The following SGMS1 variants were observed in gnomAD, a reference collection of about 807,000 sequenced individuals.
SGMS1 encodes the protein sphingomyelin synthase 1, also known as phosphatidylcholine:ceramide cholinephosphotransferase 1.
In SGMS1, 13 loss-of-function variants were observed where a neutral mutation model predicts 46.2. The ratio of observed to expected loss-of-function variants is 0.28; its 90% CI spans 0.18 to 0.45. The LOEUF (loss-of-function observed/expected upper bound fraction) is 0.45, where lower values mean the gene tolerates loss of function less well. Among genes scored for constraint, SGMS1 ranks in the 20% least tolerant of loss-of-function variants. The pLI, the probability that SGMS1 is intolerant of heterozygous loss-of-function variation, is 1.00. For synonymous variants in SGMS1, 203 were observed against 187.8 expected (o/e 1.08, Z -0.66); for missense variants, 324 against 519.9 (o/e 0.62, Z 3.66).
At chr10:50,612,775 C>T (rs1838762467) in intron 1 of SGMS1, among the ~76,000 whole-genome samples, 3 of 152,130 alleles carry the variant, frequency 2.0e-5, no homozygotes, top group Admixed American at 6.5e-5. Context: ...GTGGCGTGAT[C>T]GCGGCTCACT....
intron 4 of SGMS1, among the ~76,000 whole-genome samples, chr10:50,465,081 G>C (rs1351302503): frequency 1.3e-5 from 2 of 152,078 alleles, no homozygotes; most frequent in Non-Finnish European, 1.5e-5. Flanking sequence ...AATCCTCATA[G>C]GTAGGCTTAC....
rs1554792514 is a variant in SGMS1 at position 50,562,355 on chromosome 10, T to TGCGC, written c.-589+27794_-589+27797dup. ...CTCTCTGAGTGTGTGTGTGTGTGTG[T>TGCGC]GCGCGCGCGCACACACACACACTCA... On this transcript the variant is annotated intron_variant, in intron 2 of 10. Transcript: ENST00000361781. 4.0e-4 allele frequency among the ~76,000 whole-genome samples: 53 copies of TGCGC among 133,464 alleles called. 1 individual carries two copies. The highest frequency in any genetic ancestry group is 6.6e-4 in the East Asian group (3 of 4,564). 87.6% of individuals were successfully genotyped at this position (133,464 alleles called of 152,430 possible).
chr10:50,608,708 C>T (rs985351677), intron 1 of SGMS1, among the ~76,000 whole-genome samples: 5 of 152,160 alleles, frequency 3.3e-5, no homozygotes, highest in Non-Finnish European at 5.9e-5. Context: ...GAGAAACACA[C>T]CTGATATGAC....
In SGMS1 at chr10:50,554,205, GA is replaced by G. The variant is rs369547158; in HGVS notation, c.-588-34285del. ...ACTTTAAGAGCCTTCTATTAAAACT[GA>G]AACATCCCTAGAAAAAGTAGTATTT... is the stretch of plus-strand genomic sequence containing the variant. On this transcript the variant is annotated intron_variant, in intron 2 of 10. Transcript: ENST00000361781. Among the ~76,000 whole-genome samples, 509 of 152,218 alleles carry G rather than the reference GA, an allele frequency of 3.3e-3. 3 individuals are homozygous for G. The highest frequency in any genetic ancestry group is 0.012 in the African/African-American group (484 of 41,536).
intron 2 of SGMS1, among the ~76,000 whole-genome samples, chr10:50,542,073 A>G (rs1216360276): frequency 4.6e-5 from 7 of 152,162 alleles, no homozygotes; most frequent in Middle Eastern, 3.2e-3. Context: ...CACCAAAGCC[A>G]CCACCACTAG....
intron 5 of SGMS1, among the ~76,000 whole-genome samples, chr10:50,442,359 T>C (rs1203396): frequency 0.56 from 84,797 of 151,310 alleles, 24,078 homozygotes; most frequent in Non-Finnish European, 0.59. Flanking sequence ...CTCTGACAGG[T>C]CCCAGTGTGT....
chr10:50,307,402 A>G lies in SGMS1; in HGVS notation c.1063-81T>C. On this transcript the variant is annotated intron_variant, in intron 10 of 10. Coordinates refer to ENST00000361781, the MANE Select transcript of SGMS1 (RefSeq NM_147156.4). This position sits in a 1 kb window ranked among gnomAD's most constrained non-coding sequence, Gnocchi z 4.2. ...AATACTTGCCACGCTAAAATTCCCAAAGGACTCCATACCTGCCCTGCGTGT... is the reference window on the plus strand; with the variant it reads ...AATACTTGCCACGCTAAAATTCCCAGAGGACTCCATACCTGCCCTGCGTGT... The G allele has an allele frequency of 3.8e-6, 5 of 1,325,942 alleles. No individual in the cohort carries two copies. The highest frequency in any genetic ancestry group is 5.2e-6 in the Non-Finnish European group (5 of 953,772). 82.1% of individuals were successfully genotyped at this position (1,325,942 alleles called of 1,614,324 possible). A position where few individuals can be genotyped will look rare whatever the true frequency, so the allele number is the denominator to read the frequency against.
intron 6 of SGMS1, among the ~76,000 whole-genome samples, chr10:50,349,042 C>A (rs1204285842): frequency 2.6e-5 from 4 of 152,188 alleles, no homozygotes; most frequent in Non-Finnish European, 5.9e-5. Context: ...CATCAAGTAT[C>A]CATCTGGCAT....
intron 5 of SGMS1, among the ~76,000 whole-genome samples, chr10:50,438,851 A>G (rs1253743997): frequency 2.0e-5 from 3 of 152,168 alleles, no homozygotes; most frequent in Non-Finnish European, 4.4e-5. Context: ...TATTCTTGTC[A>G]TTTGGAGGAT....
intron 8 of SGMS1, among the ~76,000 whole-genome samples, chr10:50,316,072 G>A (rs73330909): frequency 0.032 from 4,818 of 152,280 alleles, 80 homozygotes; most frequent in South Asian, 0.067. Flanking sequence ...ACTGATGACA[G>A]TCAGTTTGCC....
chr10:50,623,476 A>C, intron 1 of SGMS1: 1 of 696,504 alleles, frequency 1.4e-6, no homozygotes, highest in Non-Finnish European at 1.8e-6. Flanking sequence ...GCCCCCTCCG[A>C]GCCCGGATCC....
chr10:50,571,585 T>C (rs1009434323), intron 2 of SGMS1, among the ~76,000 whole-genome samples: 1 of 152,124 alleles, frequency 6.6e-6, no homozygotes, highest in African/African-American at 2.4e-5. Context: ...TAATATATAA[T>C]AGAATGATAA....
At chr10:50,625,055 T>A (rs749698945), upstream of SGMS1, 55 of 998,492 alleles carry the variant, frequency 5.5e-5, no homozygotes, top group Non-Finnish European at 6.2e-5. Context: ...GGCGCCGGAC[T>A]CTGGCCACCG....
chr10:50,383,905 G>T (rs1051863225), intron 6 of SGMS1, among the ~76,000 whole-genome samples: 3 of 152,104 alleles, frequency 2.0e-5, no homozygotes, highest in Non-Finnish European at 2.9e-5. Flanking sequence ...AGTTAATGTG[G>T]TGCTATACAC....
At chr10:50,378,850 C>A (rs2133467277) in intron 6 of SGMS1, among the ~76,000 whole-genome samples, 1 of 152,230 alleles carries the variant, frequency 6.6e-6, no homozygotes, top group African/African-American at 2.4e-5. Flanking sequence ...AATGACAGGA[C>A]AATGCACTGA....
chr10:50,603,613 G>A (rs1317727801), intron 1 of SGMS1, among the ~76,000 whole-genome samples: 2 of 152,116 alleles, frequency 1.3e-5, no homozygotes, highest in African/African-American at 4.8e-5. Flanking sequence ...GTAACTCAAG[G>A]CAACAAAAAA....
At chr10:50,543,638 G>A (rs965723232) in intron 2 of SGMS1, among the ~76,000 whole-genome samples, 3 of 152,204 alleles carry the variant, frequency 2.0e-5, no homozygotes, top group African/African-American at 4.8e-5. Context: ...TAATCAGATT[G>A]GGAGCAGTTG....
At chr10:50,386,397 G>A (rs982274414) in intron 6 of SGMS1, among the ~76,000 whole-genome samples, 3 of 152,178 alleles carry the variant, frequency 2.0e-5, no homozygotes, top group Non-Finnish European at 4.4e-5. Flanking sequence ...ATGGGTTGAA[G>A]TAATTAGAAA....
chr10:50,368,141 T>G (rs987828486), intron 6 of SGMS1, among the ~76,000 whole-genome samples: 1 of 152,226 alleles, frequency 6.6e-6, no homozygotes. Context: ...GTGATTTTAA[T>G]GTGCATTTAG....
Sources: gnomAD v4.1 joint callset for allele counts (sites outside exome capture counted in the v4.1 genomes callset) on GRCh38, gnomAD v4.1.1 for gene constraint, Gnocchi (gnomAD v3.1) non-coding constraint, MANE v1.5 for transcripts, NCBI Gene and HGNC (gene_info 2026-07-23, HGNC 2026-07-21) for gene names.